Variants in GRB10 observed in about 807,000 individuals in gnomAD.
GRB10 encodes the protein growth factor receptor bound protein 10, also known as growth factor receptor-bound protein 10.
GRB10 carries 20 observed loss-of-function variants against 80.9 expected under a neutral mutation model. The observed-to-expected ratio is 0.25, with a 90% CI of 0.17 to 0.36. GRB10 has a LOEUF of 0.36. Ranked by LOEUF, GRB10 falls within the 10% of genes least tolerant of loss-of-function variation. The pLI, the probability that GRB10 is intolerant of heterozygous loss-of-function variation, is 1.00. For synonymous variants in GRB10, 291 were observed against 291.5 expected (o/e 1.00, Z 0.02); for missense variants, 548 against 747.7 (o/e 0.73, Z 3.12).
At chr7:50,678,386 T>C (rs2061179264) in intron 5 of GRB10, among the ~76,000 whole-genome samples, 1 of 152,248 alleles carries the variant, frequency 6.6e-6, no homozygotes, top group Admixed American at 6.5e-5. Flanking sequence ...CTTCATAAAC[T>C]GAATCCAACC....
intron 4 of GRB10, among the ~76,000 whole-genome samples, chr7:50,729,106 C>T (rs1189958335): frequency 3.9e-5 from 6 of 152,358 alleles, no homozygotes; most frequent in East Asian, 1.9e-4. Flanking sequence ...TGTCCTGGGG[C>T]TGGACAGCGT....
chr7:50,757,751 AC>A (rs2075275062), intron 2 of GRB10, among the ~76,000 whole-genome samples: 1 of 152,218 alleles, frequency 6.6e-6, no homozygotes, highest in Non-Finnish European at 1.5e-5. Flanking sequence ...AAATGGACTT[AC>A]GGTCACCATC....
At chr7:50,706,635 A>G (rs562219530) in intron 4 of GRB10, among the ~76,000 whole-genome samples, 1 of 152,374 alleles carries the variant, frequency 6.6e-6, no homozygotes, top group South Asian at 2.1e-4. Flanking sequence ...ATGCAGGTCT[A>G]TAATGCTGAG....
At chr7:50,789,820 T>C (rs1298578580) in intron 1 of GRB10, among the ~76,000 whole-genome samples, 1 of 152,234 alleles carries the variant, frequency 6.6e-6, no homozygotes, top group African/African-American at 2.4e-5. Context: ...CACTCATTTC[T>C]ACCTCTGAGA....
At chr7:50,740,975 A>G (rs76812319) in intron 3 of GRB10, among the ~76,000 whole-genome samples, 1,857 of 152,334 alleles carry the variant, frequency 0.012, 48 homozygotes, top group African/African-American at 0.042. Context: ...CACTTAAAGC[A>G]AAGAAACAAT....
At chr7:50,628,492 A>G (rs1318637465) in intron 7 of GRB10, among the ~76,000 whole-genome samples, 1 of 151,714 alleles carries the variant, frequency 6.6e-6, no homozygotes, top group Non-Finnish European at 1.5e-5. Flanking sequence ...TGACCCTCCT[A>G]CAGCTAGCTA....
At chr7:50,622,388 A>G (rs944896383) in intron 8 of GRB10, among the ~76,000 whole-genome samples, 1 of 152,204 alleles carries the variant, frequency 6.6e-6, no homozygotes, top group Non-Finnish European at 1.5e-5. Flanking sequence ...ACAGCGTGGC[A>G]GCCACAGGAC....
intron 4 of GRB10, among the ~76,000 whole-genome samples, chr7:50,716,676 G>A (rs1275910995): frequency 6.6e-6 from 1 of 152,166 alleles, no homozygotes; most frequent in Non-Finnish European, 1.5e-5. Flanking sequence ...CAACACAGGA[G>A]ATGAAAAATA....
intron 5 of GRB10, among the ~76,000 whole-genome samples, chr7:50,698,144 T>C (rs368529717): frequency 6.6e-6 from 1 of 151,756 alleles, no homozygotes; most frequent in Non-Finnish European, 1.5e-5. Context: ...TTCTATGTAA[T>C]TGTTTATCTT....
intron 11 of GRB10, 83 bp downstream of exon 11, chr7:50,616,127 A>T: frequency 6.6e-7 from 1 of 1,524,682 alleles, no homozygotes; most frequent in Admixed American, 1.7e-5. Flanking sequence ...GCATTTAAAA[A>T]TGAAGCCCAG....
chr7:50,622,632 T>C (rs932122181), intron 8 of GRB10, among the ~76,000 whole-genome samples: 34 of 152,194 alleles, frequency 2.2e-4, no homozygotes, highest in African/African-American at 8.2e-4. Context: ...GCCTGATGTC[T>C]ACAGTTACTT....
chr7:50,744,869 A>C (rs2072603535), intron 3 of GRB10, among the ~76,000 whole-genome samples: 1 of 152,250 alleles, frequency 6.6e-6, no homozygotes, highest in African/African-American at 2.4e-5. Context: ...TATGTACTAC[A>C]GTTAATTCTA....
At chr7:50,742,297 A>G (rs1196777109) in intron 3 of GRB10, among the ~76,000 whole-genome samples, 5 of 145,860 alleles carry the variant, frequency 3.4e-5, no homozygotes, top group African/African-American at 1.1e-4. Context: ...ACACACACAC[A>G]CACACACACA....
intron 5 of GRB10, among the ~76,000 whole-genome samples, chr7:50,682,954 T>C (rs1586831009): frequency 6.6e-6 from 1 of 152,206 alleles, no homozygotes; most frequent in Non-Finnish European, 1.5e-5. Context: ...CTTTGTTCTA[T>C]TTTTAAAAAG....
chr7:50,680,641 T>G (rs2237481), intron 5 of GRB10, among the ~76,000 whole-genome samples: 142 of 152,226 alleles, frequency 9.3e-4, no homozygotes, highest in Non-Finnish European at 1.8e-3. Context: ...ATTCAAAGTT[T>G]GTGATGACAT....
chr7:50,743,947 C>G (rs372339689), intron 3 of GRB10, among the ~76,000 whole-genome samples: 1 of 152,110 alleles, frequency 6.6e-6, no homozygotes, highest in Admixed American at 6.5e-5. Context: ...AGGAGGTCCT[C>G]GAATCCCTCC....
intron 2 of GRB10, among the ~76,000 whole-genome samples, chr7:50,757,031 G>A (rs972820385): frequency 3.9e-5 from 6 of 152,100 alleles, no homozygotes; most frequent in East Asian, 1.9e-4. Context: ...ATTGTTAAAC[G>A]GTGAAAATGA....
At chr7:50,639,482 T>C (rs1267298432) in intron 7 of GRB10, among the ~76,000 whole-genome samples, 2 of 147,262 alleles carry the variant, frequency 1.4e-5, no homozygotes, top group African/African-American at 2.5e-5. Flanking sequence ...GAGATCATCC[T>C]GGCTAACACG....
chr7:50,690,221 G>A (rs113992246), intron 5 of GRB10, among the ~76,000 whole-genome samples: 2 of 151,952 alleles, frequency 1.3e-5, no homozygotes, highest in Admixed American at 6.6e-5. Context: ...GCTTGAACCC[G>A]GGAGGTGGAG....
Sources: allele counts gnomAD v4.1 joint callset (sites outside exome capture counted in the v4.1 genomes callset), GRCh38; gene constraint gnomAD v4.1.1; transcripts MANE v1.5; gene names NCBI Gene and HGNC (gene_info 2026-07-23, HGNC 2026-07-21).